Variants in URB1 observed in about 807,000 individuals in gnomAD.
URB1 encodes nucleolar pre-ribosomal-associated protein 1.
URB1 carries 197 observed loss-of-function variants against 242.3 expected under a neutral mutation model. The observed-to-expected ratio is 0.81, with a 90% CI of 0.72 to 0.91. The LOEUF is 0.91. Ranked by LOEUF, URB1 falls within the 40% of genes least tolerant of loss-of-function variation. The pLI, the probability that URB1 is intolerant of heterozygous loss-of-function variation, is 0.00. For synonymous variants in URB1, 1,153 were observed against 1,201.8 expected (o/e 0.96, Z 0.84); for missense variants, 2,721 against 2,860.5 (o/e 0.95, Z 1.11).
Position 32,352,839 on chromosome 21 carries a change from CA to C in URB1, c.2483del (p.Leu828ArgfsTer214). 1.3e-6 allele frequency: 2 copies of C among 1,551,696 alleles called. No homozygotes were observed. Among genetic ancestry groups the C allele is most frequent in the Non-Finnish European group, 8.7e-7 (1 of 1,147,002 alleles). ...ATGCCTGGAGCAGGAGACACAGAGC[CA>C]GGGGGTCCCTCTGGGTGTGGAGGAG... ...TDLLHTQRDP[L>X]ALCLLLQAYD... On this transcript the variant is annotated frameshift_variant, in exon 19 of 39. Transcript: ENST00000382751. LOFTEE classifies it high-confidence loss of function.
rs369040005 is a variant in URB1, at chr21:32,349,946, T to C, written c.2833-463A>G. On this transcript the variant is annotated intron_variant, in intron 20 of 38. Coordinates refer to ENST00000382751, the MANE Select transcript of URB1 (RefSeq NM_014825.3). ...CCCATCTCTACTAAAAATACAAAAA[T>C]TAGCCAGGCGTGTTGGTGTGCACTT... Among the ~76,000 whole-genome samples, 10 of 150,908 alleles carry C rather than the reference T, an allele frequency of 6.6e-5. No homozygotes were observed. The South Asian group carries it at 2.1e-3, about 32-fold the overall frequency.
At chr21:32,337,634 T>C in intron 26 of URB1, 120 bp from the exon 27 acceptor site, 1 of 716,664 alleles carries the variant, frequency 1.4e-6, no homozygotes, top group South Asian at 2.0e-5. Flanking sequence ...TGAATAATAC[T>C]GGTGTTTGGA....
chr21:32,321,796 T>G lies in URB1; in HGVS notation c.5484+5A>C, dbSNP rs1225378887. 1.3e-6 allele frequency: 2 copies of G among 1,551,600 alleles called. No homozygotes were observed. Among genetic ancestry groups the G allele is most frequent in the South Asian group, 1.2e-5 (1 of 84,064 alleles). ...CTCTCAAATAAGCTTGCGGAACCCA[T>G]GTACCTGTGCTGCCTCGTCACACAG... On this transcript the variant is annotated splice_donor_5th_base_variant and intron_variant, in intron 34 of 38. Coordinates refer to ENST00000382751, the MANE Select transcript of URB1 (RefSeq NM_014825.3).
Position 32,312,723 on chromosome 21 carries a change from C to T in URB1, c.*2195G>A, listed in dbSNP as rs1172777894. The T allele has an allele frequency of 6.5e-6, 1 of 153,904 alleles. No homozygotes were observed. Among genetic ancestry groups the T allele is most frequent in the Non-Finnish European group, 1.4e-5 (1 of 69,186 alleles). 9.5% of individuals were successfully genotyped at this position (153,904 alleles called of 1,614,324 possible). ...TTGAAAGATCTAGTCCTCTAGTGCC[C>T]AGCAGCCTTGTCCCTGGAGAGGAGA... On this transcript the variant is annotated 3_prime_UTR_variant, in exon 39 of 39. Transcript: ENST00000382751.
At chr21:32,325,469 CTT>C (rs1301481742) in intron 30 of URB1, 80 bp from the exon 31 acceptor site, 43 of 1,470,394 alleles carry the variant, frequency 2.9e-5, no homozygotes, top group East Asian at 2.5e-4. Flanking sequence ...TAAATTTCCT[CTT>C]GTGTCTTACC....
rs768699343 is a variant in URB1, at chr21:32,315,049, C to A, written c.6685G>T (p.Ala2229Ser). The A allele has an allele frequency of 2.6e-6, 4 of 1,549,670 alleles. No individual in the cohort carries two copies. The South Asian group carries it at 4.8e-5, about 18-fold the overall frequency. The change falls in exon 39 of 39, where the codon GCT (alanine) becomes TCT (serine). Residue 2229 changes from alanine to serine, a missense_variant. Coordinates refer to ENST00000382751, the MANE Select transcript of URB1 (RefSeq NM_014825.3). ...GTTAAGAGGGTGTCCGGCCGCTGAGCCCCCAGCCAGATGTCCTTTATGTAG... is the reference window on the plus strand; with the variant it reads ...GTTAAGAGGGTGTCCGGCCGCTGAGACCCCAGCCAGATGTCCTTTATGTAG... The part of the protein sequence containing the change: ...SLYIKDIWLG[A>S]QRPDTLLTHV...
chr21:32,313,567 A>T lies in URB1; in HGVS notation c.*1351T>A, dbSNP rs1343684916. ...CAATTATTTGTGGTGAAGGGACTGT[A>T]TGCCAACAAACGTTACTCATGCTTT... is the stretch of plus-strand genomic sequence containing the variant. On this transcript the variant is annotated 3_prime_UTR_variant, in exon 39 of 39. Coordinates refer to ENST00000382751, the MANE Select transcript of URB1 (RefSeq NM_014825.3). 1 of 152,246 alleles carries T rather than the reference A, an allele frequency of 6.6e-6. No homozygotes were observed. The highest frequency in any genetic ancestry group is 1.5e-5 in the Non-Finnish European group (1 of 68,054). The allele number at this position is 152,246 out of a possible 1,614,324, so 9.4% of individuals were successfully genotyped here. A position where few individuals can be genotyped will look rare whatever the true frequency, so the allele number is the denominator to read the frequency against.
intron 21 of URB1, among the ~76,000 whole-genome samples, chr21:32,349,073 G>C (rs1601137835): frequency 6.6e-6 from 1 of 152,248 alleles, no homozygotes. Context: ...CACAGCGTGA[G>C]AGAAAGCTGT....
chr21:32,380,221 T>C (rs2033508231), intron 4 of URB1, among the ~76,000 whole-genome samples: 1 of 152,208 alleles, frequency 6.6e-6, no homozygotes, highest in African/African-American at 2.4e-5. Flanking sequence ...GTTGGGTCTA[T>C]GTTTCTTCTG....
intron 25 of URB1, among the ~76,000 whole-genome samples, chr21:32,340,193 G>T (rs980069114): frequency 6.6e-6 from 1 of 152,100 alleles, no homozygotes; most frequent in Admixed American, 6.5e-5. Context: ...CAAGTTCATG[G>T]GATGGTCAGG....
At chr21:32,344,985 G>A (rs896656169) in intron 23 of URB1, among the ~76,000 whole-genome samples, 4 of 152,138 alleles carry the variant, frequency 2.6e-5, no homozygotes, top group Non-Finnish European at 2.9e-5. Flanking sequence ...AAAAGGACAC[G>A]TATGTCCAGA....
Position 32,317,930 on chromosome 21 carries a change from C to A in URB1, c.5793-13G>T. ...GGCCAAGGTGGGCCTGTTTGGGAGT[C>A]AATGTTACAGACTGAGCAAAGGCTG... On this transcript the variant is annotated splice_polypyrimidine_tract_variant and intron_variant, in intron 36 of 38. Coordinates refer to ENST00000382751, the MANE Select transcript of URB1 (RefSeq NM_014825.3). The A allele has an allele frequency of 1.3e-6, 2 of 1,551,234 alleles. No homozygotes were observed. The highest frequency in any genetic ancestry group is 2.4e-5 in the South Asian group (2 of 83,898).
intron 28 of URB1, 63 bp from the exon 29 acceptor site, chr21:32,334,397 A>G: frequency 2.7e-6 from 4 of 1,482,612 alleles, no homozygotes; most frequent in East Asian, 2.5e-5. Flanking sequence ...ATTAATCATG[A>G]TAACAACAAC....
intron 1 of URB1, among the ~76,000 whole-genome samples, chr21:32,390,106 A>T (rs1953236821): frequency 6.6e-6 from 1 of 152,072 alleles, no homozygotes; most frequent in African/African-American, 2.4e-5. Context: ...CACAGCCTCA[A>T]ACAAGGGATC....
intron 19 of URB1, among the ~76,000 whole-genome samples, chr21:32,351,684 T>C (rs935879242): frequency 1.3e-5 from 2 of 152,148 alleles, no homozygotes; most frequent in African/African-American, 4.8e-5. Context: ...CGACACACCC[T>C]GGAGGGTGAG....
chr21:32,364,426 C>G (rs76720476), intron 10 of URB1, among the ~76,000 whole-genome samples: 4,694 of 152,268 alleles, frequency 0.031, 237 homozygotes, highest in African/African-American at 0.11. Context: ...TGGGACACTG[C>G]AGACTGACAG....
chr21:32,344,527 T>C, intron 24 of URB1, 43 bp downstream of exon 24: 1 of 1,541,036 alleles, frequency 6.5e-7, no homozygotes, highest in South Asian at 1.2e-5. Flanking sequence ...GCATACTCTT[T>C]CCCACAGAAA....
Position 32,312,264 on chromosome 21 carries a change from T to A in URB1, c.*2654A>T. The A allele has an allele frequency of 1.4e-6, 2 of 1,400,544 alleles. No individual in the cohort carries two copies. Among genetic ancestry groups the A allele is most frequent in the Non-Finnish European group, 1.9e-6 (2 of 1,078,224 alleles). 86.8% of individuals were successfully genotyped at this position (1,400,544 alleles called of 1,614,324 possible). On this transcript the variant is annotated 3_prime_UTR_variant, in exon 39 of 39. Transcript: ENST00000382751. ...ATTTGCTCAGGGAAGAGTAGGAAAA[T>A]AAAATATATGCAAATCAAGAGGAAA...
chr21:32,390,584 C>CTGA (rs2033627292), intron 1 of URB1, among the ~76,000 whole-genome samples: 1 of 152,092 alleles, frequency 6.6e-6, no homozygotes, highest in Non-Finnish European at 1.5e-5. Flanking sequence ...CCTGTTCACT[C>CTGA]TGATGGTAGT....
Sources: gnomAD v4.1 joint callset for allele counts (sites outside exome capture counted in the v4.1 genomes callset) on GRCh38, gnomAD v4.1.1 for gene constraint, MANE v1.5 for transcripts, NCBI Gene and HGNC (gene_info 2026-07-23, HGNC 2026-07-21) for gene names.